The following ZNF614 variants were observed in gnomAD, a reference collection of about 807,000 sequenced individuals.
The protein encoded by ZNF614 is zinc finger protein 614.
Under a neutral mutation model 12.8 loss-of-function variants are expected in ZNF614, and 11 were observed. The ratio of observed to expected loss-of-function variants is 0.86; its 90% CI spans 0.54 to 1.43. ZNF614 has a LOEUF of 1.43. Among genes scored for constraint, ZNF614 ranks in the 40% most tolerant of loss-of-function variants. ZNF614 has a pLI of 0.00. For missense variants in ZNF614, 664 were observed against 708.8 expected (o/e 0.94, Z 0.72); for synonymous variants, 237 against 237.5 (o/e 1.00, Z 0.02).
chr19:52,018,635 T>A lies in ZNF614; in HGVS notation c.16-141A>T. On this transcript the variant is annotated intron_variant, in intron 2 of 4. Transcript: ENST00000270649. The stretch of plus-strand genomic sequence containing the variant: ...ATATACTTTGGTAGGAGCAAAATCC[T>A]CTATCTATACATTTTAGCGCCTATT... 3.7e-6 allele frequency: 3 copies of A among 816,952 alleles called. 1 individual carries two copies. In the South Asian group the frequency reaches 6.2e-5, roughly 17 times the overall value. 50.6% of individuals were successfully genotyped at this position (816,952 alleles called of 1,614,324 possible). A position where few individuals can be genotyped will look rare whatever the true frequency, so the allele number is the denominator to read the frequency against.
rs1479699676 is a variant in ZNF614 at position 52,017,282 on chromosome 19, C to T, written c.316G>A (p.Gly106Arg). 7.4e-6 allele frequency: 12 copies of T among 1,613,792 alleles called. No homozygotes were observed. Among genetic ancestry groups the T allele is most frequent in the Middle Eastern group, 3.3e-4 (2 of 6,084 alleles). Residue 106 changes from glycine to arginine, a missense_variant, in exon 5 of 5, where the codon GGA (glycine) becomes AGA (arginine). Coordinates refer to ENST00000270649, the MANE Select transcript of ZNF614 (RefSeq NM_025040.4). ...RLLKSVQQCN[G>R]QNTLRNIVHL... ...ACAATATTTCTAAGTGTATTCTGTCCATTGCATTGCTGCACGCTCTTCAGA... is the reference window on the plus strand; with the variant it reads ...ACAATATTTCTAAGTGTATTCTGTCTATTGCATTGCTGCACGCTCTTCAGA...
rs1209154499 is a variant in ZNF614 at position 52,013,690 on chromosome 19, G to A, written c.*2150C>T. The A allele has an allele frequency of 1.3e-5, 2 of 152,194 alleles. No individual in the cohort carries two copies. The highest frequency in any genetic ancestry group is 2.9e-5 in the Non-Finnish European group (2 of 68,044). The allele number at this position is 152,194 out of a possible 1,614,324, so 9.4% of individuals were successfully genotyped here. A position where few individuals can be genotyped will look rare whatever the true frequency, so the allele number is the denominator to read the frequency against. On this transcript the variant is annotated 3_prime_UTR_variant, in exon 5 of 5. Coordinates refer to ENST00000270649, the MANE Select transcript of ZNF614 (RefSeq NM_025040.4). Reference sequence around the variant, plus strand: ...TGATAGGAGAAAAGTGGTTGGCAGAGTTAGGTTTGGATGGAGTGTAAGCAT... The same window carrying A: ...TGATAGGAGAAAAGTGGTTGGCAGAATTAGGTTTGGATGGAGTGTAAGCAT...
chr19:52,024,101 G>A (rs1385611832), intron 2 of ZNF614, among the ~76,000 whole-genome samples: 1 of 152,176 alleles, frequency 6.6e-6, no homozygotes, highest in Non-Finnish European at 1.5e-5. Flanking sequence ...AAAGGGCATG[G>A]AAGCCCTGAG....
At chr19:52,021,828 G>C (rs1007203726) in intron 2 of ZNF614, among the ~76,000 whole-genome samples, 7 of 151,762 alleles carry the variant, frequency 4.6e-5, no homozygotes, top group African/African-American at 1.7e-4. Context: ...AAAATATTTT[G>C]AACAAGCTAA....
chr19:52,020,410 G>A (rs1019816943), intron 2 of ZNF614, among the ~76,000 whole-genome samples: 3 of 152,214 alleles, frequency 2.0e-5, no homozygotes, highest in Non-Finnish European at 4.4e-5. Flanking sequence ...CACAGGGTGA[G>A]GTCTGGGAAG....
At chr19:52,020,970 G>C (rs2086929633) in intron 2 of ZNF614, among the ~76,000 whole-genome samples, 2 of 152,132 alleles carry the variant, frequency 1.3e-5, no homozygotes, top group Non-Finnish European at 2.9e-5. Context: ...CTAAAAGCTT[G>C]TTTCTAAAGA....
chr19:52,015,574 T>C lies in ZNF614; in HGVS notation c.*266A>G. The C allele has an allele frequency of 3.0e-6, 1 of 331,714 alleles. No individual in the cohort carries two copies. The highest frequency in any genetic ancestry group is 5.5e-6 in the Non-Finnish European group (1 of 181,110). The allele number at this position is 331,714 out of a possible 1,614,324, so 20.5% of individuals were successfully genotyped here. A position where few individuals can be genotyped will look rare whatever the true frequency, so the allele number is the denominator to read the frequency against. ...AATTATTGCTCAAAACATCTCCACA[T>C]TAATATAGTTTATTCAACGTATTTT... On this transcript the variant is annotated 3_prime_UTR_variant, in exon 5 of 5. Coordinates refer to ENST00000270649, the MANE Select transcript of ZNF614 (RefSeq NM_025040.4).
At chr19:52,017,937 A>G in intron 4 of ZNF614, 71 bp downstream of exon 4, 1 of 1,189,594 alleles carries the variant, frequency 8.4e-7, no homozygotes, top group Non-Finnish European at 1.2e-6. Flanking sequence ...GATACTTCAT[A>G]TATGTGACAC....
In ZNF614 at chr19:52,014,641, G is replaced by C. The variant is rs11665783; in HGVS notation, c.*1199C>G. On this transcript the variant is annotated 3_prime_UTR_variant, in exon 5 of 5. Coordinates refer to ENST00000270649, the MANE Select transcript of ZNF614 (RefSeq NM_025040.4). Reference sequence around the variant, plus strand: ...TAATCTCAGGAGCCTCTACCCCTATGAAGTTGGGGGTGCACCACCCTCTTG... The same window carrying C: ...TAATCTCAGGAGCCTCTACCCCTATCAAGTTGGGGGTGCACCACCCTCTTG... The C allele has an allele frequency of 6.6e-6, 1 of 152,030 alleles. No homozygotes were observed. The highest frequency in any genetic ancestry group is 1.9e-4 in the East Asian group (1 of 5,182). 9.4% of individuals were successfully genotyped at this position (152,030 alleles called of 1,614,324 possible). A position where few individuals can be genotyped will look rare whatever the true frequency, so the allele number is the denominator to read the frequency against.
intron 2 of ZNF614, among the ~76,000 whole-genome samples, chr19:52,021,765 C>T (rs922356713): frequency 6.7e-6 from 1 of 150,326 alleles, no homozygotes; most frequent in African/African-American, 2.4e-5. Flanking sequence ...TAAATGAAAA[C>T]ATGTTCATGA....
At chr19:52,017,889 G>A (rs2086910265) in intron 4 of ZNF614, 119 bp downstream of exon 4, 1 of 646,006 alleles carries the variant, frequency 1.5e-6, no homozygotes, top group East Asian at 2.8e-5. Context: ...TATCAGATGG[G>A]GAGATGAATA....
intron 2 of ZNF614, among the ~76,000 whole-genome samples, chr19:52,024,787 A>G (rs2086959887): frequency 6.6e-6 from 1 of 152,236 alleles, no homozygotes; most frequent in Non-Finnish European, 1.5e-5. Context: ...AGAAGGCCAC[A>G]GGGGCCTCTG....
At chr19:52,022,407 T>C (rs950544658) in intron 2 of ZNF614, among the ~76,000 whole-genome samples, 2 of 152,060 alleles carry the variant, frequency 1.3e-5, no homozygotes, top group Non-Finnish European at 2.9e-5. Context: ...ATCTGGGAAG[T>C]GAGGAGTGCC....
Position 52,016,131 on chromosome 19 carries a change from T to C in ZNF614, c.1467A>G (p.Gly489=). The C allele has an allele frequency of 6.2e-7, 1 of 1,614,196 alleles. No individual in the cohort carries two copies. Among genetic ancestry groups the C allele is most frequent in the South Asian group, 1.1e-5 (1 of 91,084 alleles). The change falls in exon 5 of 5, where the codon GGA becomes GGG. Residue 489 remains glycine, a synonymous_variant. Coordinates refer to ENST00000270649, the MANE Select transcript of ZNF614 (RefSeq NM_025040.4). Reference sequence around the variant, plus strand: ...GGCCATATTTGTGTGAATAGGATTTTCCGCACTCGGTACATACAAAGGGAG... The same window carrying C: ...GGCCATATTTGTGTGAATAGGATTTCCCGCACTCGGTACATACAAAGGGAG... The part of the protein sequence containing the change: ...GKTPFVCTEC[G]KSYSHKYGLI...
intron 2 of ZNF614, among the ~76,000 whole-genome samples, chr19:52,024,489 AAAAG>A (rs750994466): frequency 9.2e-5 from 14 of 152,146 alleles, no homozygotes; most frequent in Non-Finnish European, 1.8e-4. Context: ...AGATGTGGGG[AAAAG>A]AAAGAGAGAT....
Position 52,016,465 on chromosome 19 carries a change from T to C in ZNF614, c.1133A>G (p.Lys378Arg). 1 of 1,614,168 alleles carries C rather than the reference T, an allele frequency of 6.2e-7. No homozygotes were observed. Among genetic ancestry groups the C allele is most frequent in the Non-Finnish European group, 8.5e-7 (1 of 1,180,006 alleles). ...EKPYMCSECG[K>R]GFTVKSNLIV... ...GAGATTGCTCTTCACGGTAAAGCCT[T>C]TTCCACATTCACTGCACATATAGGG... The change falls in exon 5 of 5, where the codon AAA becomes AGA. Residue 378 changes from lysine (K) to arginine (R), a missense_variant. Lys to Arg is a conservative substitution (Grantham distance 26). Transcript: ENST00000270649.
chr19:52,021,652 CAGAT>C (rs1448643331), intron 2 of ZNF614, among the ~76,000 whole-genome samples: 2 of 151,140 alleles, frequency 1.3e-5, no homozygotes, highest in Non-Finnish European at 2.9e-5. Flanking sequence ...CTAAGGCAGG[CAGAT>C]GGTGGTTGAG....
intron 4 of ZNF614, 69 bp downstream of exon 4, chr19:52,017,939 A>C (rs61287503): frequency 0.3 from 358,673 of 1,208,064 alleles, 58,544 homozygotes; most frequent in South Asian, 0.52. Flanking sequence ...TACTTCATAT[A>C]TGTGACACCT....
At position 52,016,790 on chromosome 19, in the gene ZNF614, C is replaced by T. The variant is rs752591221; in HGVS notation, c.808G>A (p.Val270Met). 1.2e-6 allele frequency: 2 copies of T among 1,613,980 alleles called. No homozygotes were observed. The highest frequency in any genetic ancestry group is 1.7e-4 in the Middle Eastern group (1 of 6,060). Reference sequence around the variant, plus strand: ...TGATGTGTAATGAGACTACTCTTCACAGTAGAGCCTTTTCTATATTCATTG... The same window carrying T: ...TGATGTGTAATGAGACTACTCTTCATAGTAGAGCCTTTTCTATATTCATTG... ...IPNEYRKGST[V>M]KSSLITHQQT... Residue 270 changes from valine to methionine, a missense_variant, in exon 5 of 5, where the codon GTG becomes ATG. Coordinates refer to ENST00000270649, the MANE Select transcript of ZNF614 (RefSeq NM_025040.4).
Sources: allele counts gnomAD v4.1 joint callset (sites outside exome capture counted in the v4.1 genomes callset), GRCh38; gene constraint gnomAD v4.1.1; transcripts MANE v1.5; gene names NCBI Gene and HGNC (gene_info 2026-07-23, HGNC 2026-07-21).